The following SFMBT1 variants were observed in gnomAD, a reference collection of about 807,000 sequenced individuals.
SFMBT1 encodes the protein Scm like with four mbt domains 1.
Under a neutral mutation model 108.7 loss-of-function variants are expected in SFMBT1, and 32 were observed. The observed-to-expected ratio is 0.29, with a 90% CI of 0.22 to 0.40. The LOEUF is 0.40. SFMBT1 is among the 10% of genes least tolerant of loss of function. The pLI, the probability that SFMBT1 is intolerant of heterozygous loss-of-function variation, is 1.00. For missense variants in SFMBT1, 816 were observed against 1,059.6 expected, an observed-to-expected ratio of 0.77 and a Z score of 3.19; for synonymous variants, 348 against 369.5, an observed-to-expected ratio of 0.94 and a Z score of 0.67.
chr3:52,918,435 T>G lies in SFMBT1; in HGVS notation c.1415+49A>C, dbSNP rs749940905. The G allele has an allele frequency of 2.8e-6, 4 of 1,421,420 alleles. No individual in the cohort carries two copies. The Admixed American group carries it at 7.8e-5, about 28-fold the overall frequency. 88.1% of individuals were successfully genotyped at this position (1,421,420 alleles called of 1,614,324 possible). A position where few individuals can be genotyped will look rare whatever the true frequency, so the allele number is the denominator to read the frequency against. On this transcript the variant is annotated intron_variant, in intron 13 of 20. Coordinates refer to ENST00000394752, the MANE Select transcript of SFMBT1 (RefSeq NM_016329.4). The stretch of plus-strand genomic sequence containing the variant: ...AAATATACCCTCTGAAATAGTTATT[T>G]TTCTAGATATTCTAACTTGTAAACT...
intron 1 of SFMBT1, among the ~76,000 whole-genome samples, chr3:53,027,081 C>A (rs1405445321): frequency 6.6e-6 from 1 of 152,198 alleles, no homozygotes. Context: ...CCATGCCCAA[C>A]AGGGAAGGGA....
chr3:52,965,651 A>G (rs1704107111), intron 2 of SFMBT1, among the ~76,000 whole-genome samples: 1 of 152,164 alleles, frequency 6.6e-6, no homozygotes, highest in African/African-American at 2.4e-5. Context: ...GAATGGGGAA[A>G]TCAACATATT....
intron 1 of SFMBT1, among the ~76,000 whole-genome samples, chr3:53,028,762 C>T (rs1234030978): frequency 2.0e-5 from 3 of 152,108 alleles, no homozygotes; most frequent in Non-Finnish European, 4.4e-5. Context: ...AACTCAGAAA[C>T]GCCCAGTCTA....
At chr3:52,905,508 G>T (rs1702044344) in intron 20 of SFMBT1, among the ~76,000 whole-genome samples, 1 of 152,166 alleles carries the variant, frequency 6.6e-6, no homozygotes, top group Non-Finnish European at 1.5e-5. Flanking sequence ...TTTTACCAAG[G>T]ATAAGAATCC....
chr3:52,942,150 C>A (rs1245771137), intron 4 of SFMBT1, among the ~76,000 whole-genome samples: 1 of 151,996 alleles, frequency 6.6e-6, no homozygotes, highest in Non-Finnish European at 1.5e-5. Context: ...AAAAATAAGA[C>A]CATGTTTATT....
chr3:52,918,572 C>T, intron 12 of SFMBT1, 46 bp from the exon 13 acceptor site: 1 of 1,319,570 alleles, frequency 7.6e-7, no homozygotes, highest in Admixed American at 2.4e-5. Context: ...AATAAAAAGA[C>T]AAAGGAAAAT....
intron 1 of SFMBT1, among the ~76,000 whole-genome samples, chr3:52,997,357 G>A (rs1698372083): frequency 6.7e-6 from 1 of 149,646 alleles, no homozygotes; most frequent in African/African-American, 2.4e-5. Context: ...CTAACACTGT[G>A]AAACCCGTCT....
intron 4 of SFMBT1, 36 bp from the exon 5 acceptor site, chr3:52,934,937 GC>G: frequency 6.4e-7 from 1 of 1,561,844 alleles, no homozygotes; most frequent in Non-Finnish European, 8.8e-7. Flanking sequence ...TACTCAAAAT[GC>G]CAGCCACAGA....
rs1698499571 is a variant in SFMBT1 at position 53,000,246 on chromosome 3, T to C, written c.-130-30988A>G. ...GGTTTTATTCCTCCCTTTGTAATGT[T>C]TTTTCTCTTAAGCCACTTTTTTTTT... is the stretch of plus-strand genomic sequence containing the variant. On this transcript the variant is annotated intron_variant, in intron 1 of 20. Transcript: ENST00000394752. Among the ~76,000 whole-genome samples, 3 of 144,840 alleles carry C rather than the reference T, an allele frequency of 2.1e-5. 1 individual carries two copies. Among genetic ancestry groups the C allele is most frequent in the Non-Finnish European group, 4.6e-5 (3 of 64,580 alleles).
rs763769327 is a variant in SFMBT1, at chr3:52,916,233, G to C, written c.1416-19C>G. The stretch of plus-strand genomic sequence containing the variant: ...TGGTACTCTGGGTCAAGAAAACACA[G>C]TAAAATAGTGAGATAATTCTTAAGA... On this transcript the variant is annotated intron_variant, in intron 13 of 20. Transcript: ENST00000394752. 1 of 1,603,832 alleles carries C rather than the reference G, an allele frequency of 6.2e-7. No individual in the cohort carries two copies. Among genetic ancestry groups the C allele is most frequent in the Non-Finnish European group, 8.5e-7 (1 of 1,171,682 alleles).
intron 1 of SFMBT1, among the ~76,000 whole-genome samples, chr3:53,016,066 T>C (rs922804980): frequency 2.0e-5 from 3 of 152,124 alleles, no homozygotes; most frequent in African/African-American, 4.8e-5. Flanking sequence ...AATACTGTCT[T>C]TCTAGCACCC....
chr3:53,000,363 C>G (rs945328481), intron 1 of SFMBT1, among the ~76,000 whole-genome samples: 1 of 148,376 alleles, frequency 6.7e-6, no homozygotes, highest in Non-Finnish European at 1.5e-5. Context: ...GTCTGGCACA[C>G]TAAAATATTT....
At chr3:53,021,410 G>T (rs1699302206) in intron 1 of SFMBT1, among the ~76,000 whole-genome samples, 1 of 152,170 alleles carries the variant, frequency 6.6e-6, no homozygotes, top group Non-Finnish European at 1.5e-5. Flanking sequence ...AACTGGGGAT[G>T]TATTATATTA....
chr3:52,996,088 T>C (rs1374738872), intron 1 of SFMBT1, among the ~76,000 whole-genome samples: 1 of 149,368 alleles, frequency 6.7e-6, no homozygotes, highest in Non-Finnish European at 1.5e-5. Context: ...AACAAAACTT[T>C]TGCTCTTCAA....
At chr3:53,038,850 T>C (rs61438885) in intron 1 of SFMBT1, among the ~76,000 whole-genome samples, 6,931 of 152,294 alleles carry the variant, frequency 0.046, 457 homozygotes, top group South Asian at 0.18. Context: ...CAGCTGGGGA[T>C]TGAGTCACTG....
At position 52,948,532 on chromosome 3, in the gene SFMBT1, T is replaced by A. The variant is rs1175153927; in HGVS notation, c.124-4939A>T. ...ACCTAGTTAGGGAAAACTGGTATCT[T>A]TACAATAGTGACTCTCTCATTACAT... On this transcript the variant is annotated intron_variant, in intron 3 of 20. Coordinates refer to ENST00000394752, the MANE Select transcript of SFMBT1 (RefSeq NM_016329.4). 4.9e-4 allele frequency among the ~76,000 whole-genome samples: 74 copies of A among 152,048 alleles called. 1 individual carries two copies. Among genetic ancestry groups the A allele is most frequent in the Non-Finnish European group, 7.4e-5 (5 of 68,020 alleles).
intron 14 of SFMBT1, among the ~76,000 whole-genome samples, chr3:52,914,850 G>A (rs1477917431): frequency 6.6e-6 from 1 of 152,198 alleles, no homozygotes; most frequent in Non-Finnish European, 1.5e-5. Flanking sequence ...TCAGAATTAA[G>A]GCACTCATAC....
intron 1 of SFMBT1, among the ~76,000 whole-genome samples, chr3:53,010,666 T>C (rs1410694552): frequency 6.6e-6 from 1 of 152,232 alleles, no homozygotes; most frequent in Non-Finnish European, 1.5e-5. Flanking sequence ...TGATGTTATT[T>C]ATAGCCTAGT....
intron 1 of SFMBT1, among the ~76,000 whole-genome samples, chr3:52,990,661 C>A (rs1048239113): frequency 6.6e-6 from 1 of 151,234 alleles, no homozygotes; most frequent in Admixed American, 6.6e-5. Context: ...AAAAGTTGAG[C>A]AAGAAAGAGA....
Sources: gnomAD v4.1 joint callset for allele counts (sites outside exome capture counted in the v4.1 genomes callset) on GRCh38, gnomAD v4.1.1 for gene constraint, MANE v1.5 for transcripts, NCBI Gene and HGNC (gene_info 2026-07-23, HGNC 2026-07-21) for gene names.